The following EPB41L1 variants were observed in gnomAD, a reference collection of about 807,000 sequenced individuals.
EPB41L1 encodes band 4.1-like protein 1.
EPB41L1 carries 29 observed loss-of-function variants against 97.8 expected under a neutral mutation model. The observed-to-expected ratio is 0.30, with a 90% CI of 0.22 to 0.40. The LOEUF is 0.40. Among genes scored for constraint, EPB41L1 ranks in the 10% least tolerant of loss-of-function variants. EPB41L1 has a pLI of 1.00. For missense variants in EPB41L1, 812 were observed against 1,162.3 expected (o/e 0.70, Z 4.38); for synonymous variants, 383 against 459.2 (o/e 0.83, Z 2.12).
At chr20:36,144,949 G>A (rs150344977) in intron 2 of EPB41L1, among the ~76,000 whole-genome samples, 1 of 152,258 alleles carries the variant, frequency 6.6e-6, no homozygotes, top group Non-Finnish European at 1.5e-5. Context: ...ATGAAGTCAG[G>A]TCCTCTGACT....
chr20:36,204,874 C>T (rs2062712611), intron 14 of EPB41L1, among the ~76,000 whole-genome samples: 1 of 151,764 alleles, frequency 6.6e-6, no homozygotes, highest in Admixed American at 6.6e-5. Flanking sequence ...ATCTCTTGAC[C>T]TCATGATCTG....
chr20:36,211,572 G>T (rs977996727), intron 15 of EPB41L1, among the ~76,000 whole-genome samples: 1 of 150,580 alleles, frequency 6.6e-6, no homozygotes, highest in Non-Finnish European at 1.5e-5. Flanking sequence ...GAAGAGTCCA[G>T]GCTGGGCACG....
chr20:36,147,020 A>G (rs577245414), intron 2 of EPB41L1, among the ~76,000 whole-genome samples: 1 of 152,066 alleles, frequency 6.6e-6, no homozygotes, highest in African/African-American at 2.4e-5. Context: ...GGTGGTGTAC[A>G]CCTGTAGTCC....
At position 36,182,274 on chromosome 20, in the gene EPB41L1, A is replaced by G. The variant is rs754649198; in HGVS notation, c.493A>G (p.Ser165Gly). The G allele has an allele frequency of 1.9e-6, 3 of 1,613,996 alleles. No individual in the cohort carries two copies. Among genetic ancestry groups the G allele is most frequent in the East Asian group, 2.2e-5 (1 of 44,876 alleles). Residue 165 changes from serine (S) to glycine (G), a missense_variant and splice_region_variant, in exon 6 of 22, where the codon AGC becomes GGC. Physicochemically the swap from Ser to Gly is moderately conservative, Grantham distance 56. Around this residue, in one of 3 missense-constraint regions of EPB41L1, gnomAD observed 230 missense variants for 445.2 expected, o/e 0.52. Coordinates refer to ENST00000338074, the MANE Select transcript of EPB41L1 (RefSeq NM_012156.2). ...ATCTCTCTCCCATCTCCTCTCAGGT[A>G]GCCCCTGGAATTTTGCCTTCACAGT... ...SKEIKKQIRS[S>G]PWNFAFTVKF...
Position 36,206,142 on chromosome 20 carries a change from A to G in EPB41L1, c.1669-3346A>G, listed in dbSNP as rs1346790339. On this transcript the variant is annotated intron_variant, in intron 14 of 21. Transcript: ENST00000338074. The surrounding 1 kb of genome is among the most constrained non-coding windows in gnomAD (Gnocchi z 5.5). ...AAGGCCCCTGGATCAGGGAAAGCCC[A>G]GGAGGGGCTGCCCTGGCTTCCGGCC... 2.3e-6 allele frequency: 3 copies of G among 1,289,790 alleles called. No individual in the cohort carries two copies. In the African/African-American group the frequency reaches 4.6e-5, roughly 20 times the overall value. The allele number at this position is 1,289,790 out of a possible 1,614,324, so 79.9% of individuals were successfully genotyped here.
Position 36,185,300 on chromosome 20 carries a change from G to A in EPB41L1, c.750G>A (p.Leu250=), listed in dbSNP as rs556946313. ...LRFAPNQTRE[L]EERIMELHKT... ...TCGCCCCTAACCAGACCCGGGAGCT[G>A]GAGGAGAGGATCATGGAGCTGCATA... The change falls in exon 7 of 22, where the codon CTG becomes CTA. Residue 250 remains leucine (L), a synonymous_variant. Transcript: ENST00000338074. The A allele has an allele frequency of 1.9e-6, 3 of 1,613,606 alleles. No homozygotes were observed. Among genetic ancestry groups the A allele is most frequent in the East Asian group, 2.2e-5 (1 of 44,888 alleles).
At chr20:36,215,281 C>T (rs995955481) in intron 17 of EPB41L1, among the ~76,000 whole-genome samples, 4 of 152,184 alleles carry the variant, frequency 2.6e-5, no homozygotes, top group African/African-American at 9.6e-5. Context: ...AGGTTATCCC[C>T]AGGCCTTCTG....
At chr20:36,222,623 G>A (rs2063852254) in intron 21 of EPB41L1, among the ~76,000 whole-genome samples, 1 of 152,108 alleles carries the variant, frequency 6.6e-6, no homozygotes, top group African/African-American at 2.4e-5. Flanking sequence ...TGGGGTTTCA[G>A]GCTCCAGATC....
chr20:36,102,577 G>A (rs1317284992), intron 1 of EPB41L1, among the ~76,000 whole-genome samples: 1 of 152,176 alleles, frequency 6.6e-6, no homozygotes, highest in Non-Finnish European at 1.5e-5. Context: ...AAGTTTCCAT[G>A]CAGCTTTGAT....
At chr20:36,154,550 G>C (rs2060198014), upstream of EPB41L1, among the ~76,000 whole-genome samples, 1 of 150,746 alleles carries the variant, frequency 6.6e-6, no homozygotes, top group Admixed American at 6.6e-5. The surrounding 1 kb of genome is among the most constrained non-coding windows in gnomAD (Gnocchi z 5.5). Flanking sequence ...CAGGCAGAGA[G>C]GAGGCGGAGG....
In EPB41L1 at chr20:36,199,290, C is replaced by T. The variant is rs558986707; in HGVS notation, c.1668+1249C>T. 3.2e-4 allele frequency among the ~76,000 whole-genome samples: 48 copies of T among 151,926 alleles called. No homozygotes were observed. In the East Asian group the frequency reaches 8.7e-3, roughly 28 times the overall value. ...AGTGTCTTAGCTGATGGAAGAGGAA[C>T]CAGAACCCAATTTTCTTGTGACCCA... is the stretch of plus-strand genomic sequence containing the variant. On this transcript the variant is annotated intron_variant, in intron 14 of 21. Transcript: ENST00000338074.
At chr20:36,177,290 C>T (rs191915653) in intron 3 of EPB41L1, among the ~76,000 whole-genome samples, 65 of 152,286 alleles carry the variant, frequency 4.3e-4, no homozygotes, top group East Asian at 3.9e-4. Context: ...GTCGGGTTCT[C>T]GGCTTCGTCA....
chr20:36,200,998 G>A (rs562736475), intron 14 of EPB41L1: 2 of 456,920 alleles, frequency 4.4e-6, no homozygotes, highest in Admixed American at 2.4e-5. Context: ...TCACCTTCCT[G>A]TGCCCCTTCC....
intron 2 of EPB41L1, among the ~76,000 whole-genome samples, chr20:36,138,290 A>C (rs1042421691): frequency 2.3e-4 from 33 of 146,326 alleles, no homozygotes; most frequent in African/African-American, 8.2e-4. Context: ...TTGAGACAAG[A>C]GTCTCGCTCT....
At chr20:36,099,485 AT>A (rs2057940141) in intron 1 of EPB41L1, among the ~76,000 whole-genome samples, 1 of 152,128 alleles carries the variant, frequency 6.6e-6, no homozygotes, top group Admixed American at 6.5e-5. Flanking sequence ...TGTAGCTGTG[AT>A]TTTTAATTAT....
At chr20:36,095,160 C>T (rs1215550131) in intron 1 of EPB41L1, among the ~76,000 whole-genome samples, 2 of 152,088 alleles carry the variant, frequency 1.3e-5, no homozygotes, top group African/African-American at 4.8e-5. Flanking sequence ...TTAGTAGGGA[C>T]AGGGTTTTGC....
chr20:36,139,805 C>T (rs1248013791), intron 2 of EPB41L1, among the ~76,000 whole-genome samples: 3 of 152,128 alleles, frequency 2.0e-5, no homozygotes, highest in Non-Finnish European at 2.9e-5. Flanking sequence ...GATCTGGGCT[C>T]ACCGCAACCT....
chr20:36,175,094 C>T (rs548885106), intron 2 of EPB41L1, among the ~76,000 whole-genome samples: 11 of 152,208 alleles, frequency 7.2e-5, no homozygotes, highest in African/African-American at 1.9e-4. Context: ...AGTTAGGACC[C>T]GGGGCGGGCG....
At chr20:36,199,177 T>TA (rs1271956671) in intron 14 of EPB41L1, among the ~76,000 whole-genome samples, 3 of 152,022 alleles carry the variant, frequency 2.0e-5, no homozygotes, top group African/African-American at 7.3e-5. Flanking sequence ...CTAAATAAAA[T>TA]AAAAGTTGAA....
Sources: allele counts gnomAD v4.1 joint callset (sites outside exome capture counted in the v4.1 genomes callset), GRCh38; gene constraint gnomAD v4.1.1; regional missense constraint gnomAD v4.1.1; non-coding constraint Gnocchi (gnomAD v3.1); transcripts MANE v1.5; gene names NCBI Gene and HGNC (gene_info 2026-07-23, HGNC 2026-07-21).